NOS1AP: variants seen among roughly 807,000 people sequenced by gnomAD.
The protein encoded by NOS1AP is nitric oxide synthase 1 adaptor protein.
Under a neutral mutation model 56.2 loss-of-function variants are expected in NOS1AP, and 21 were observed. The ratio of observed to expected loss-of-function variants is 0.37; its 90% confidence interval spans 0.26 to 0.54. The LOEUF is 0.54. Among genes scored for constraint, NOS1AP ranks in the 20% least tolerant of loss-of-function variants. NOS1AP has a pLI of 0.84. For missense variants in NOS1AP, 522 were observed against 657.8 expected (o/e 0.79, Z 2.26); for synonymous variants, 270 against 274.6 (o/e 0.98, Z 0.17).
chr1:162,347,006 T>G (rs373390478), intron 6 of NOS1AP, among the ~76,000 whole-genome samples: 1 of 152,190 alleles, frequency 6.6e-6, no homozygotes, highest in African/African-American at 2.4e-5. Context: ...AACAGAGAGA[T>G]AGATAGACTT....
intron 2 of NOS1AP, among the ~76,000 whole-genome samples, chr1:162,210,737 A>G (rs901252062): frequency 1.2e-4 from 18 of 152,202 alleles, no homozygotes; most frequent in Non-Finnish European, 2.6e-4. Flanking sequence ...TGCCTGTGGA[A>G]TGGGAGATCC....
intron 2 of NOS1AP, among the ~76,000 whole-genome samples, chr1:162,284,602 C>A (rs1457727096): frequency 6.6e-6 from 1 of 150,822 alleles, no homozygotes; most frequent in African/African-American, 2.4e-5. Context: ...ACTGTGCCCA[C>A]AGACCCTGTA....
intron 2 of NOS1AP, among the ~76,000 whole-genome samples, chr1:162,278,698 T>C (rs1231389832): frequency 1.3e-5 from 2 of 151,866 alleles, no homozygotes; most frequent in Non-Finnish European, 2.9e-5. Flanking sequence ...TGTGTGTGTG[T>C]GTGTGTGTGT....
intron 2 of NOS1AP, among the ~76,000 whole-genome samples, chr1:162,242,800 A>G (rs1298058452): frequency 1.3e-5 from 2 of 152,190 alleles, no homozygotes; most frequent in Non-Finnish European, 2.9e-5. Context: ...ATCACTAGAG[A>G]AGAAATTGCT....
Position 162,367,162 on chromosome 1 carries a change from G to C in NOS1AP, c.1216G>C (p.Ala406Pro). 1 of 1,613,822 alleles carries C rather than the reference G, an allele frequency of 6.2e-7. No homozygotes were observed. The highest frequency in any genetic ancestry group is 1.7e-5 in the Admixed American group (1 of 60,028). The change falls in exon 10 of 10, where the codon GCG becomes CCG. Residue 406 changes from alanine (A) to proline (P), a missense_variant. Ala to Pro is a conservative substitution (Grantham distance 27). This residue lies in a region of NOS1AP where 160 missense variants were observed against 180.3 expected (regional missense o/e 0.89). Coordinates refer to ENST00000361897, the MANE Select transcript of NOS1AP (RefSeq NM_014697.3). This position sits in a 1 kb window ranked among gnomAD's most constrained non-coding sequence, Gnocchi z 6.5. ...GGACCTGCATTCGCCGCCGCTGGGC[G>C]CGGGCTTGGCTGACTTTGCCCACCC... is the stretch of plus-strand genomic sequence containing the variant. Reference protein sequence around the residue: ...PEDLHSPPLGAGLADFAHPAG... With the variant: ...PEDLHSPPLGPGLADFAHPAG...
At chr1:162,344,056 C>T (rs1418903196) in intron 6 of NOS1AP, 80 bp downstream of exon 6, 7 of 1,492,008 alleles carry the variant, frequency 4.7e-6, no homozygotes, top group Non-Finnish European at 6.5e-6. Context: ...CCCTGACCCC[C>T]AGGCTGTGAA....
At chr1:162,167,153 T>C (rs1650541240) in intron 2 of NOS1AP, among the ~76,000 whole-genome samples, 1 of 152,212 alleles carries the variant, frequency 6.6e-6, no homozygotes, top group South Asian at 2.1e-4. Context: ...AGGTTTATGG[T>C]GGAAATGACA....
chr1:162,124,059 C>T (rs1648368470), intron 1 of NOS1AP, among the ~76,000 whole-genome samples: 1 of 152,106 alleles, frequency 6.6e-6, no homozygotes, highest in African/African-American at 2.4e-5. Context: ...TGTAATACAT[C>T]TAGTTGTTAT....
chr1:162,217,267 C>CTTTTTTTTTTTTTTTTTT lies in NOS1AP; in HGVS notation c.177+62805_177+62806insTTTTTTTTTTTTTTTTTT, dbSNP rs61378473. Among the ~76,000 whole-genome samples the CTTTTTTTTTTTTTTTTTT allele has an allele frequency of 9.6e-3, 658 of 68,334 alleles. 154 individuals carry two copies. Among genetic ancestry groups the CTTTTTTTTTTTTTTTTTT allele is most frequent in the East Asian group, 0.02 (37 of 1,840 alleles). 44.8% of individuals were successfully genotyped at this position (68,334 alleles called of 152,430 possible). A position where few individuals can be genotyped will look rare whatever the true frequency, so the allele number is the denominator to read the frequency against. ...TGGGTCCTGAAACAGCTGTTGTTAG[C>CTTTTTTTTTTTTTTTTTT]TTTTTTTTTTTTTTGAGATGAAGTC... On this transcript the variant is annotated intron_variant, in intron 2 of 9. Transcript: ENST00000361897.
chr1:162,353,943 C>A (rs1288792851), intron 6 of NOS1AP, among the ~76,000 whole-genome samples: 1 of 152,220 alleles, frequency 6.6e-6, no homozygotes, highest in South Asian at 2.1e-4. Context: ...TCCCTGCCCC[C>A]ACTAGCTGCA....
chr1:162,308,588 T>C (rs1394361968), intron 4 of NOS1AP, among the ~76,000 whole-genome samples: 3 of 152,192 alleles, frequency 2.0e-5, no homozygotes, highest in African/African-American at 7.2e-5. Context: ...ACACCACTGA[T>C]GGGCTGTGTA....
At chr1:162,081,774 A>ATATATAT in intron 1 of NOS1AP, among the ~76,000 whole-genome samples, 12 of 44,046 alleles carry the variant, frequency 2.7e-4, no homozygotes, top group South Asian at 1.5e-3. Context: ...ATATATATAT[A>ATATATAT]TTTTTTTTTT....
intron 2 of NOS1AP, among the ~76,000 whole-genome samples, chr1:162,207,809 C>T (rs1476310832): frequency 1.3e-5 from 2 of 152,124 alleles, no homozygotes. Flanking sequence ...CTATAAACTG[C>T]TTGTGATTGT....
chr1:162,285,443 G>A (rs141631697), intron 2 of NOS1AP, among the ~76,000 whole-genome samples: 51 of 152,318 alleles, frequency 3.3e-4, no homozygotes, highest in African/African-American at 1.2e-3. Flanking sequence ...CTGCAGCTGA[G>A]CAGAATGCTG....
Position 162,355,310 on chromosome 1 carries a change from T to G in NOS1AP, c.719T>G (p.Leu240Arg). Reference protein sequence around the residue: ...VLEFSRGVTDLDAVGKEGGSH... With the variant: ...VLEFSRGVTDRDAVGKEGGSH... Reference sequence around the variant, plus strand: ...GAATTCAGCCGAGGTGTGACTGATCTAGATGCTGTAGGGAAGGAAGGAGGC... The same window carrying G: ...GAATTCAGCCGAGGTGTGACTGATCGAGATGCTGTAGGGAAGGAAGGAGGC... Residue 240 changes from leucine (L) to arginine (R), a missense_variant, in exon 7 of 10, where the codon CTA becomes CGA. Leu to Arg is a moderately radical substitution (Grantham distance 102, BLOSUM62 -2). Around this residue, in one of 4 missense-constraint regions of NOS1AP, gnomAD observed 178 missense variants for 165.0 expected, o/e 1.08. Transcript: ENST00000361897. 1.2e-6 allele frequency: 2 copies of G among 1,614,070 alleles called. No individual in the cohort carries two copies. Among genetic ancestry groups the G allele is most frequent in the Non-Finnish European group, 1.7e-6 (2 of 1,180,000 alleles).
chr1:162,237,370 G>A (rs971917575), intron 2 of NOS1AP, among the ~76,000 whole-genome samples: 3 of 152,298 alleles, frequency 2.0e-5, no homozygotes, highest in Middle Eastern at 3.4e-3. Flanking sequence ...TAGAGGTCAG[G>A]AGATTTGAAT....
At chr1:162,147,331 C>CAA (rs572205161) in intron 1 of NOS1AP, among the ~76,000 whole-genome samples, 91 of 74,378 alleles carry the variant, frequency 1.2e-3, no homozygotes, top group Admixed American at 4.7e-3. Flanking sequence ...GACTCCGTCT[C>CAA]AAAAAAAAAA....
chr1:162,299,503 G>C (rs1010696509), intron 3 of NOS1AP, among the ~76,000 whole-genome samples: 1 of 152,172 alleles, frequency 6.6e-6, no homozygotes, highest in African/African-American at 2.4e-5. Context: ...ATTTGAAGGG[G>C]TTCTTGCTTA....
intron 1 of NOS1AP, among the ~76,000 whole-genome samples, chr1:162,082,308 A>T (rs1339122825): frequency 2.0e-5 from 3 of 152,164 alleles, no homozygotes; most frequent in Admixed American, 1.3e-4. Flanking sequence ...TCCATGATGC[A>T]TATGTACCAC....
Sources: gnomAD v4.1 joint callset for allele counts (sites outside exome capture counted in the v4.1 genomes callset) on GRCh38, gnomAD v4.1.1 for gene constraint, gnomAD v4.1.1 regional missense constraint, Gnocchi (gnomAD v3.1) non-coding constraint, MANE v1.5 for transcripts, NCBI Gene and HGNC (gene_info 2026-07-23, HGNC 2026-07-21) for gene names.